The following REV3L variants were observed in gnomAD, a reference collection of about 807,000 sequenced individuals.
REV3L encodes the protein REV3 like, DNA directed polymerase zeta catalytic subunit, also known as DNA polymerase zeta catalytic subunit.
REV3L carries 69 observed loss-of-function variants against 299.4 expected under a neutral mutation model. The observed-to-expected ratio is 0.23, with a 90% CI of 0.19 to 0.28. The LOEUF (loss-of-function observed/expected upper bound fraction) is 0.28, where lower values mean the gene tolerates loss of function less well. Among genes scored for constraint, REV3L ranks in the 10% least tolerant of loss-of-function variants. The probability of loss-of-function intolerance (pLI) is 1.00; values close to 1 mark genes in which losing one functional copy is unlikely to be tolerated. For missense variants in REV3L, 3,128 were observed against 3,693.8 expected (o/e 0.85, Z 3.97); for synonymous variants, 1,238 against 1,271.4 (o/e 0.97, Z 0.56).
At chr6:111,338,312 CTTTTTTTTTTTTTTTTTTTTTTTTT>C (rs144497761) in intron 21 of REV3L, among the ~76,000 whole-genome samples, 23 of 47,950 alleles carry the variant, frequency 4.8e-4, no homozygotes, top group African/African-American at 2.5e-3. Context: ...GTCTAAAGTC[CTTTTTTTTTTTTTTTTTTTTTTTTT>C]TTTTTTTTTT....
intron 10 of REV3L, among the ~76,000 whole-genome samples, chr6:111,381,090 C>T (rs755416781): frequency 1.1e-4 from 16 of 152,146 alleles, no homozygotes; most frequent in South Asian, 2.1e-4. Flanking sequence ...TACGGTTTTC[C>T]GTGAATCAAA....
chr6:111,363,767 G>T, intron 16 of REV3L, 86 bp downstream of exon 16: 1 of 1,364,006 alleles, frequency 7.3e-7, no homozygotes, highest in Non-Finnish European at 1.0e-6. Flanking sequence ...CTCCTCCCTT[G>T]TTAAAAAAAT....
At chr6:111,337,472 T>C (rs980006326) in intron 21 of REV3L, among the ~76,000 whole-genome samples, 1 of 152,188 alleles carries the variant, frequency 6.6e-6, no homozygotes, top group Non-Finnish European at 1.5e-5. Context: ...CTTTTATTAC[T>C]GTAAGCAATG....
At chr6:111,314,651 C>CA (rs2114740985) in intron 27 of REV3L, among the ~76,000 whole-genome samples, 1 of 152,254 alleles carries the variant, frequency 6.6e-6, no homozygotes, top group South Asian at 2.1e-4. Flanking sequence ...AGAGAAAAGC[C>CA]ATTCCAGTTG....
chr6:111,449,283 C>A (rs1057361355), intron 1 of REV3L, among the ~76,000 whole-genome samples: 2 of 152,144 alleles, frequency 1.3e-5, no homozygotes, highest in African/African-American at 4.8e-5. Flanking sequence ...ACAGCTTCCA[C>A]GGAGCAGAGG....
chr6:111,395,700 G>A (rs565684020), intron 4 of REV3L, among the ~76,000 whole-genome samples: 2 of 152,162 alleles, frequency 1.3e-5, no homozygotes, highest in African/African-American at 2.4e-5. Flanking sequence ...TTACCTGATT[G>A]CTATGGCTAG....
Position 111,375,242 on chromosome 6 carries a change from T to C in REV3L, c.3113A>G (p.Tyr1038Cys), listed in dbSNP as rs757310582. ...PDSPATKYPIYPLTPKKSHRR... is the reference protein window; with the variant it reads ...PDSPATKYPICPLTPKKSHRR... ...GTGACTTTTCTTTGGTGTTAGTGGA[T>C]AAATGGGATATTTGGTTGCAGGGGA... Residue 1038 changes from tyrosine (Y) to cysteine (C), a missense_variant, in exon 13 of 32, where the codon TAT becomes TGT. Around this residue, in one of 9 missense-constraint regions of REV3L, gnomAD observed 2,409 missense variants for 2,611.8 expected, o/e 0.92. Coordinates refer to ENST00000368802, the MANE Select transcript of REV3L (RefSeq NM_001372078.1). The C allele has an allele frequency of 7.4e-6, 12 of 1,612,272 alleles. No individual in the cohort carries two copies. The highest frequency in any genetic ancestry group is 9.3e-6 in the Non-Finnish European group (11 of 1,179,710).
Position 111,344,054 on chromosome 6 carries a change from A to G in REV3L, c.7420-11T>C, listed in dbSNP as rs75529137. The stretch of plus-strand genomic sequence containing the variant: ...GTTAGTTAGAGCCACCTAAAAAAAA[A>G]GGCAAGACACCATTATAATAATGCT... On this transcript the variant is annotated splice_polypyrimidine_tract_variant and intron_variant, in intron 20 of 31. Transcript: ENST00000368802. The G allele has an allele frequency of 1.9e-6, 3 of 1,538,732 alleles. No individual in the cohort carries two copies. Among genetic ancestry groups the G allele is most frequent in the Admixed American group, 1.8e-5 (1 of 54,454 alleles).
chr6:111,451,881 A>G (rs1488236782), intron 1 of REV3L, among the ~76,000 whole-genome samples: 2 of 152,002 alleles, frequency 1.3e-5, no homozygotes, highest in Non-Finnish European at 2.9e-5. Flanking sequence ...ACTTTATCAT[A>G]GTTTAAAACC....
rs543189711 is a variant in REV3L, at chr6:111,469,467, C to T, written c.139+13283G>A. Among the ~76,000 whole-genome samples, 20 of 152,318 alleles carry T rather than the reference C, an allele frequency of 1.3e-4. No individual in the cohort carries two copies. The South Asian group carries it at 3.7e-3, about 28-fold the overall frequency. On this transcript the variant is annotated intron_variant, in intron 1 of 31. Coordinates refer to ENST00000368802, the MANE Select transcript of REV3L (RefSeq NM_001372078.1). ...TCCTGAAAAATGAGTTAGCCAGCAA[C>T]AGTTGGATAATAGATTGTTGTAGTA...
chr6:111,442,258 G>C (rs1410120431), intron 1 of REV3L, among the ~76,000 whole-genome samples: 1 of 152,226 alleles, frequency 6.6e-6, no homozygotes, highest in Non-Finnish European at 1.5e-5. Flanking sequence ...GAGTGTTGAA[G>C]TCTCCAACTG....
At chr6:111,390,217 T>G (rs1485365970) in intron 5 of REV3L, 37 bp from the exon 6 acceptor site, 1 of 1,290,450 alleles carries the variant, frequency 7.7e-7, no homozygotes, top group Non-Finnish European at 1.1e-6. Flanking sequence ...AATAATTATG[T>G]GAGAGCAAAC....
rs1258298046 is a variant in REV3L, at chr6:111,374,814, G to A, written c.3541C>T (p.Leu1181Phe). Residue 1181 changes from leucine (L) to phenylalanine (F), a missense_variant, in exon 13 of 32, where the codon CTT becomes TTT. Around this residue, in one of 9 missense-constraint regions of REV3L, gnomAD observed 2,409 missense variants for 2,611.8 expected, o/e 0.92. Coordinates refer to ENST00000368802, the MANE Select transcript of REV3L (RefSeq NM_001372078.1). Reference sequence around the variant, plus strand: ...TTAGTAACTATAGAGGGATTAGCAAGCTTTGCTTTTGATTTCTTAATCTGT... The same window carrying A: ...TTAGTAACTATAGAGGGATTAGCAAACTTTGCTTTTGATTTCTTAATCTGT... ...RAQIKKSKAK[L>F]ANPSIVTKKR... 1.2e-6 allele frequency: 2 copies of A among 1,612,842 alleles called. No homozygotes were observed. Among genetic ancestry groups the A allele is most frequent in the Non-Finnish European group, 1.7e-6 (2 of 1,179,728 alleles).
At chr6:111,381,716 TA>T (rs1181421264) in intron 9 of REV3L, among the ~76,000 whole-genome samples, 1 of 152,184 alleles carries the variant, frequency 6.6e-6, no homozygotes, top group Admixed American at 6.5e-5. Flanking sequence ...ATTACTCTGA[TA>T]AAAATCACTG....
In REV3L at chr6:111,367,398, T is replaced by C; in HGVS notation, c.6390A>G (p.Gln2130=). The change falls in exon 14 of 32, where the codon CAA becomes CAG. Residue 2130 remains glutamine, a synonymous_variant. Coordinates refer to ENST00000368802, the MANE Select transcript of REV3L (RefSeq NM_001372078.1). ...PDSPVIPPWQ[Q]PISPDSKALN... ...ATGCTTTGGAATCTGGGGATATTGGTTGTTGCCAAGGGGGAATTACTGGAG... is the reference window on the plus strand; with the variant it reads ...ATGCTTTGGAATCTGGGGATATTGGCTGTTGCCAAGGGGGAATTACTGGAG... 1 of 1,611,074 alleles carries C rather than the reference T, an allele frequency of 6.2e-7. No homozygotes were observed. The highest frequency in any genetic ancestry group is 1.3e-5 in the African/African-American group (1 of 74,910).
chr6:111,359,715 A>C (rs760302347), intron 16 of REV3L, among the ~76,000 whole-genome samples: 10 of 152,178 alleles, frequency 6.6e-5, no homozygotes, highest in Non-Finnish European at 1.2e-4. Context: ...CAGAGTAAAT[A>C]AGAAAAACAA....
At chr6:111,317,869 C>T (rs1334128834) in intron 26 of REV3L, among the ~76,000 whole-genome samples, 2 of 152,134 alleles carry the variant, frequency 1.3e-5, no homozygotes, top group African/African-American at 2.4e-5. Flanking sequence ...TCTTCTTTCA[C>T]TCAGCATATT....
In REV3L at chr6:111,375,497, T is replaced by C; in HGVS notation, c.2858A>G (p.Glu953Gly). ...ISLPHPMEIG[E>G]SLDGTLKSRK... ...GGATTTGAGAGTTCCATCTAAACTTTCACCAATTTCCATGGGATGAGGTAG... is the reference window on the plus strand; with the variant it reads ...GGATTTGAGAGTTCCATCTAAACTTCCACCAATTTCCATGGGATGAGGTAG... Residue 953 changes from glutamate (E) to glycine (G), a missense_variant, in exon 13 of 32, where the codon GAA becomes GGA. Physicochemically the swap from Glu to Gly is moderately conservative, Grantham distance 98. Around this residue, in one of 9 missense-constraint regions of REV3L, gnomAD observed 2,409 missense variants for 2,611.8 expected, o/e 0.92. Transcript: ENST00000368802. 1 of 1,607,310 alleles carries C rather than the reference T, an allele frequency of 6.2e-7. No individual in the cohort carries two copies. The highest frequency in any genetic ancestry group is 8.5e-7 in the Non-Finnish European group (1 of 1,178,340).
At position 111,374,072 on chromosome 6, in the gene REV3L, T is replaced by C. The variant is rs1780059372; in HGVS notation, c.4283A>G (p.Gln1428Arg). ...TGACTGTTCCGCTATGCACACAATC[T>C]GCTGCTGACTGTCTTTGCAATGCAA... ...NFLHCKDSQQ[Q>R]IVCIAEQSKH... The change falls in exon 13 of 32, where the codon CAG becomes CGG. Residue 1428 changes from glutamine (Q) to arginine (R), a missense_variant. By Grantham distance (43) the Gln-to-Arg change is conservative. This residue lies in a region of REV3L where 2,409 missense variants were observed against 2,611.8 expected (regional missense o/e 0.92). Transcript: ENST00000368802. The C allele has an allele frequency of 6.2e-7, 1 of 1,614,154 alleles. No individual in the cohort carries two copies. The highest frequency in any genetic ancestry group is 8.5e-7 in the Non-Finnish European group (1 of 1,179,968).
Sources: allele counts gnomAD v4.1 joint callset (sites outside exome capture counted in the v4.1 genomes callset), GRCh38; gene constraint gnomAD v4.1.1; regional missense constraint gnomAD v4.1.1; transcripts MANE v1.5; gene names NCBI Gene and HGNC (gene_info 2026-07-23, HGNC 2026-07-21).